Variants in CHKA observed in about 807,000 individuals in gnomAD.
The protein encoded by CHKA is CHETK-alpha.
A neutral mutation model predicts 60.1 loss-of-function variants in CHKA; 34 were observed. The observed-to-expected ratio is 0.57, with a 90% CI of 0.43 to 0.75. The LOEUF (loss-of-function observed/expected upper bound fraction) is 0.75, where lower values mean the gene tolerates loss of function less well. CHKA is among the 30% of genes least tolerant of loss of function. The pLI is 0.00. For missense variants in CHKA, 563 were observed against 561.3 expected, an observed-to-expected ratio of 1.00 and a Z score of -0.03; for synonymous variants, 217 against 223.1, an observed-to-expected ratio of 0.97 and a Z score of 0.24.
At chr11:68,076,954 G>A (rs1856812394) in intron 3 of CHKA, among the ~76,000 whole-genome samples, 1 of 152,192 alleles carries the variant, frequency 6.6e-6, no homozygotes, top group Non-Finnish European at 1.5e-5. Context: ...GGAAGAAAAT[G>A]AGGCCGGGTG....
At chr11:68,109,992 T>A (rs1858073724) in intron 1 of CHKA, among the ~76,000 whole-genome samples, 1 of 151,936 alleles carries the variant, frequency 6.6e-6, no homozygotes, top group Non-Finnish European at 1.5e-5. Flanking sequence ...ATATAATCTA[T>A]CACATCAACA....
chr11:68,083,381 T>C (rs1308305738), intron 2 of CHKA, among the ~76,000 whole-genome samples: 1 of 152,222 alleles, frequency 6.6e-6, no homozygotes, highest in Non-Finnish European at 1.5e-5. Context: ...AAAAGTTCTA[T>C]AATCTGATAT....
At chr11:68,107,207 G>C (rs1857946007) in intron 1 of CHKA, among the ~76,000 whole-genome samples, 1 of 151,734 alleles carries the variant, frequency 6.6e-6, no homozygotes, top group Non-Finnish European at 1.5e-5. Flanking sequence ...AGTCAAGATT[G>C]AGCCACTGCA....
At chr11:68,119,488 T>C (rs1858520958) in intron 1 of CHKA, among the ~76,000 whole-genome samples, 1 of 152,194 alleles carries the variant, frequency 6.6e-6, no homozygotes, top group Non-Finnish European at 1.5e-5. Context: ...GTTTTTGTTT[T>C]TTTGAGACAG....
rs760392039 is a variant in CHKA, at chr11:68,096,816, AAAT to A, written c.462+200_462+202del. 9.4e-4 allele frequency among the ~76,000 whole-genome samples: 143 copies of A among 152,346 alleles called. 2 individuals carry two copies. Among genetic ancestry groups the A allele is most frequent in the Middle Eastern group, 3.4e-3 (1 of 294 alleles). ...GGAATACTTGCACTAGTTTACTAATAAATAATAACTAAAAAAAACACGAATTAA... is the reference window on the plus strand; with the variant it reads ...GGAATACTTGCACTAGTTTACTAATAAATAACTAAAAAAAACACGAATTAA... On this transcript the variant is annotated intron_variant, in intron 2 of 11. Transcript: ENST00000265689.
chr11:68,060,688 C>G (rs1856203931), intron 11 of CHKA, among the ~76,000 whole-genome samples: 1 of 152,192 alleles, frequency 6.6e-6, no homozygotes, highest in African/African-American at 2.4e-5. Context: ...TCTTTTGAAG[C>G]AAGACAAGGG....
At chr11:68,075,131 C>G (rs748209680) in intron 3 of CHKA, among the ~76,000 whole-genome samples, 6 of 152,136 alleles carry the variant, frequency 3.9e-5, no homozygotes, top group Non-Finnish European at 7.4e-5. Context: ...TTTATTGCTT[C>G]TATTTATTTC....
chr11:68,100,325 C>G (rs1385629365), intron 1 of CHKA, among the ~76,000 whole-genome samples: 1 of 152,154 alleles, frequency 6.6e-6, no homozygotes, highest in East Asian at 1.9e-4. Flanking sequence ...TGTGGCGGCT[C>G]ACGCCTGTAA....
Position 68,121,210 on chromosome 11 carries a change from C to G in CHKA, c.-33G>C, listed in dbSNP as rs1325258903. On this transcript the variant is annotated 5_prime_UTR_variant, in exon 1 of 12. Transcript: ENST00000265689. ...AGGCGGCCGAGGAGGCGCGGGCGGCCGCAGCGCGAGAGGACTAGGCTCAGA... is the reference window on the plus strand; with the variant it reads ...AGGCGGCCGAGGAGGCGCGGGCGGCGGCAGCGCGAGAGGACTAGGCTCAGA... 1.5e-5 allele frequency: 17 copies of G among 1,145,324 alleles called. No individual in the cohort carries two copies. In the South Asian group the frequency reaches 4.0e-4, roughly 27 times the overall value. 70.9% of individuals were successfully genotyped at this position (1,145,324 alleles called of 1,614,324 possible).
chr11:68,094,768 T>C (rs1009886600), intron 2 of CHKA, among the ~76,000 whole-genome samples: 1 of 152,172 alleles, frequency 6.6e-6, no homozygotes. Context: ...TGACCTCAGA[T>C]ATCCTCAGCA....
At position 68,093,467 on chromosome 11, in the gene CHKA, T is replaced by C. The variant is rs538847396; in HGVS notation, c.462+3552A>G. Among the ~76,000 whole-genome samples, 40 of 152,358 alleles carry C rather than the reference T, an allele frequency of 2.6e-4. No homozygotes were observed. In the South Asian group the frequency reaches 6.8e-3, roughly 26 times the overall value. On this transcript the variant is annotated intron_variant, in intron 2 of 11. Transcript: ENST00000265689. ...CCAAATTGGAATTATATGTAAAACA[T>C]ACTCCATTCTATTAGTTTGGTAAGA...
chr11:68,068,901 A>G lies in CHKA; in HGVS notation c.906T>C (p.Phe302=). The change falls in exon 7 of 12, where the codon TTT becomes TTC. Residue 302 remains phenylalanine (F), a synonymous_variant. Coordinates refer to ENST00000265689, the MANE Select transcript of CHKA (RefSeq NM_001277.3). The part of the protein sequence containing the change: ...LLESTPSPVV[F]CHNDCQEGNI... Reference sequence around the variant, plus strand: ...TACCTTCTTGACAGTCATTATGACAAAATACAACTGGAGATGGAGTAGATT... The same window carrying G: ...TACCTTCTTGACAGTCATTATGACAGAATACAACTGGAGATGGAGTAGATT... 2 of 1,612,828 alleles carry G rather than the reference A, an allele frequency of 1.2e-6. No homozygotes were observed. Among genetic ancestry groups the G allele is most frequent in the Non-Finnish European group, 1.7e-6 (2 of 1,179,150 alleles).
At chr11:68,099,127 G>A (rs909900918) in intron 1 of CHKA, among the ~76,000 whole-genome samples, 6 of 152,114 alleles carry the variant, frequency 3.9e-5, no homozygotes, top group African/African-American at 1.2e-4. Flanking sequence ...CCAGAACAAG[G>A]AAATCTATAA....
At chr11:68,094,052 A>G (rs1335889806) in intron 2 of CHKA, among the ~76,000 whole-genome samples, 1 of 152,246 alleles carries the variant, frequency 6.6e-6, no homozygotes, top group Non-Finnish European at 1.5e-5. Context: ...AGCACCTTGT[A>G]ACACATTTAA....
intron 4 of CHKA, among the ~76,000 whole-genome samples, chr11:68,074,172 A>T (rs1856711022): frequency 6.6e-6 from 1 of 152,200 alleles, no homozygotes; most frequent in South Asian, 2.1e-4. Context: ...GGACAATAAG[A>T]AAGGGAAAAT....
chr11:68,062,629 A>T (rs1299452004), intron 10 of CHKA, among the ~76,000 whole-genome samples: 1 of 152,182 alleles, frequency 6.6e-6, no homozygotes, highest in Non-Finnish European at 1.5e-5. Flanking sequence ...CAATACCCTG[A>T]GGGCTCATCC....
chr11:68,109,473 T>C (rs1294211419), intron 1 of CHKA, among the ~76,000 whole-genome samples: 1 of 152,110 alleles, frequency 6.6e-6, no homozygotes, highest in African/African-American at 2.4e-5. Context: ...GTCTAACCTG[T>C]TGGGATTTTC....
chr11:68,107,636 C>T (rs1857964689), intron 1 of CHKA, among the ~76,000 whole-genome samples: 1 of 152,114 alleles, frequency 6.6e-6, no homozygotes, highest in South Asian at 2.1e-4. Flanking sequence ...CCTCTCTGGT[C>T]TCCCAGCTTC....
At chr11:68,104,987 T>C (rs1044099177) in intron 1 of CHKA, among the ~76,000 whole-genome samples, 4 of 151,336 alleles carry the variant, frequency 2.6e-5, no homozygotes, top group Non-Finnish European at 5.9e-5. Flanking sequence ...GTCTGTAATC[T>C]CAGCTACTCA....
Sources: gnomAD v4.1 joint callset for allele counts (sites outside exome capture counted in the v4.1 genomes callset) on GRCh38, gnomAD v4.1.1 for gene constraint, MANE v1.5 for transcripts, NCBI Gene and HGNC (gene_info 2026-07-23, HGNC 2026-07-21) for gene names.